PPARA: variants seen among roughly 807,000 people sequenced by gnomAD.
The protein encoded by PPARA is peroxisome proliferator-activated receptor alpha.
Under a neutral mutation model 42.2 loss-of-function variants are expected in PPARA, and 22 were observed. That is an observed-to-expected ratio of 0.52 (90% CI 0.37 to 0.74). The LOEUF is 0.74. Among genes scored for constraint, PPARA ranks in the 30% least tolerant of loss-of-function variants. The probability of loss-of-function intolerance (pLI) is 0.00; values close to 1 mark genes in which losing one functional copy is unlikely to be tolerated. For synonymous variants in PPARA, 242 were observed against 239.3 expected, an observed-to-expected ratio of 1.01 and a Z score of -0.10; for missense variants, 465 against 608.2, an observed-to-expected ratio of 0.76 and a Z score of 2.48.
Position 46,235,314 on chromosome 22 carries a change from CAAG to C in PPARA, c.1346_1348del (p.Lys449del), listed in dbSNP as rs1222694811. 2 of 1,614,114 alleles carry C rather than the reference CAAG, an allele frequency of 1.2e-6. No individual in the cohort carries two copies. Among genetic ancestry groups the C allele is most frequent in the Non-Finnish European group, 1.7e-6 (2 of 1,180,022 alleles). On this transcript the variant is annotated inframe_deletion, in exon 9 of 9. Coordinates refer to ENST00000407236, the MANE Select transcript of PPARA (RefSeq NM_005036.6). This position sits in a 1 kb window ranked among gnomAD's most constrained non-coding sequence, Gnocchi z 7.0. The stretch of plus-strand genomic sequence containing the variant: ...AGCATGCGCAGCTGGTGCAGATCAT[CAAG>C]AAGACGGAGTCGGATGCTGCGCTGC...
In PPARA at chr22:46,165,043, T is replaced by C. The variant is rs1245754935; in HGVS notation, c.-126-11710T>C. On this transcript the variant is annotated intron_variant, in intron 2 of 8. Transcript: ENST00000407236. This position sits in a 1 kb window ranked among gnomAD's most constrained non-coding sequence, Gnocchi z 5.5. ...ATTTTTATTTATTTTCATTTGTTTA[T>C]TTATTTATTTGAGACAGAGTTTCGC... 7.0e-6 allele frequency: 1 copy of C among 143,668 alleles called. No individual in the cohort carries two copies. Among genetic ancestry groups the C allele is most frequent in the East Asian group, 1.9e-4 (1 of 5,194 alleles). The allele number at this position is 143,668 out of a possible 1,614,324, so 8.9% of individuals were successfully genotyped here.
chr22:46,184,032 C>G lies in PPARA; in HGVS notation c.-43+7196C>G, dbSNP rs1930330759. ...TGCCTGCCTCATGGGGTTGCTGTTA[C>G]CAGGAAGTGAGTTAATGCACATTAG... On this transcript the variant is annotated intron_variant, in intron 3 of 8. Transcript: ENST00000407236. This position sits in a 1 kb window ranked among gnomAD's most constrained non-coding sequence, Gnocchi z 4.4. Among the ~76,000 whole-genome samples, 1 of 152,018 alleles carries G rather than the reference C, an allele frequency of 6.6e-6. No homozygotes were observed. Among genetic ancestry groups the G allele is most frequent in the Admixed American group, 6.6e-5 (1 of 15,256 alleles).
In PPARA at chr22:46,203,255, T is replaced by C. The variant is rs140644476; in HGVS notation, c.208+4664T>C. Among the ~76,000 whole-genome samples, 1 of 152,364 alleles carries C rather than the reference T, an allele frequency of 6.6e-6. No individual in the cohort carries two copies. The highest frequency in any genetic ancestry group is 1.9e-4 in the East Asian group (1 of 5,188). On this transcript the variant is annotated intron_variant, in intron 4 of 8. Transcript: ENST00000407236. This position sits in a 1 kb window ranked among gnomAD's most constrained non-coding sequence, Gnocchi z 5.8. ...AGATCGTTCATATTTGTACCTAATC[T>C]GATCTTTTGGGTAATATTCCTAGTT...
rs1434460898 is a variant in PPARA at position 46,193,027 on chromosome 22, T to C, written c.-42-5315T>C. Among the ~76,000 whole-genome samples the C allele has an allele frequency of 6.6e-6, 1 of 152,076 alleles. No homozygotes were observed. Among genetic ancestry groups the C allele is most frequent in the Non-Finnish European group, 1.5e-5 (1 of 68,010 alleles). ...AAGATGGTTAACAGGTACAAAAAAC[T>C]AGAAAGAATGAATAAGACCCACTAG... On this transcript the variant is annotated intron_variant, in intron 3 of 8. Transcript: ENST00000407236. The surrounding 1 kb of genome is among the most constrained non-coding windows in gnomAD (Gnocchi z 5.3).
intron 3 of PPARA, among the ~76,000 whole-genome samples, chr22:46,181,484 T>A (rs535347763): frequency 6.6e-6 from 1 of 152,036 alleles, no homozygotes; most frequent in Non-Finnish European, 1.5e-5. Flanking sequence ...TGAGTGTGCA[T>A]CACAAAGGGC....
In PPARA at chr22:46,240,156, CAGG is replaced by C; in HGVS notation, c.*4779_*4781del. 2.5e-6 allele frequency: 1 copy of C among 398,670 alleles called. No homozygotes were observed. Among genetic ancestry groups the C allele is most frequent in the Non-Finnish European group, 4.4e-6 (1 of 226,146 alleles). 24.7% of individuals were successfully genotyped at this position (398,670 alleles called of 1,614,324 possible). On this transcript the variant is annotated 3_prime_UTR_variant, in exon 9 of 9. Coordinates refer to ENST00000407236, the MANE Select transcript of PPARA (RefSeq NM_005036.6). The surrounding 1 kb of genome is among the most constrained non-coding windows in gnomAD (Gnocchi z 6.0). ...TGGCCTTTCAAAATGCAGATGCCAC[CAGG>C]AGAACATGCCCACAGCTCACCACCT...
In PPARA at chr22:46,204,044, G is replaced by A. The variant is rs1933004730; in HGVS notation, c.208+5453G>A. The stretch of plus-strand genomic sequence containing the variant: ...CTGCCTCCCTCCCCCAGTAAACCAT[G>A]AATCCACTTTCTATCATTCTAGGTT... On this transcript the variant is annotated intron_variant, in intron 4 of 8. Transcript: ENST00000407236. The surrounding 1 kb of genome is among the most constrained non-coding windows in gnomAD (Gnocchi z 5.2). Among the ~76,000 whole-genome samples, 2 of 152,156 alleles carry A rather than the reference G, an allele frequency of 1.3e-5. No individual in the cohort carries two copies. The highest frequency in any genetic ancestry group is 2.9e-5 in the Non-Finnish European group (2 of 68,032).
At chr22:46,169,742 T>C (rs527596632) in intron 2 of PPARA, among the ~76,000 whole-genome samples, 1 of 152,230 alleles carries the variant, frequency 6.6e-6, no homozygotes, top group South Asian at 2.1e-4. Context: ...AAACTGATTA[T>C]GTTATTAAGA....
Position 46,237,726 on chromosome 22 carries a change from A to G in PPARA, c.*2346A>G, listed in dbSNP as rs1206064434. ...CAAAAGCAAATAAAAGTGTTTCCAT[A>G]TATGCCACCAGCCAAGTGGCCATCC... On this transcript the variant is annotated 3_prime_UTR_variant, in exon 9 of 9. Coordinates refer to ENST00000407236, the MANE Select transcript of PPARA (RefSeq NM_005036.6). The surrounding 1 kb of genome is among the most constrained non-coding windows in gnomAD (Gnocchi z 6.7). The G allele has an allele frequency of 6.6e-6, 1 of 152,242 alleles. No homozygotes were observed. Among genetic ancestry groups the G allele is most frequent in the Non-Finnish European group, 1.5e-5 (1 of 68,070 alleles). The allele number at this position is 152,242 out of a possible 1,614,324, so 9.4% of individuals were successfully genotyped here. A position where few individuals can be genotyped will look rare whatever the true frequency, so the allele number is the denominator to read the frequency against.
intron 7 of PPARA, among the ~76,000 whole-genome samples, chr22:46,229,718 C>T (rs756428315): frequency 2.0e-5 from 3 of 151,908 alleles, no homozygotes; most frequent in Non-Finnish European, 2.9e-5. Flanking sequence ...CTTTATTAAT[C>T]GGACTTGAGA....
chr22:46,199,759 G>A (rs1407885280), intron 4 of PPARA, among the ~76,000 whole-genome samples: 3 of 152,058 alleles, frequency 2.0e-5, no homozygotes, highest in South Asian at 2.1e-4. Context: ...TTTTGCTCTT[G>A]TTGCCCAGGC....
intron 4 of PPARA, among the ~76,000 whole-genome samples, chr22:46,207,881 C>T (rs562428970): frequency 2.4e-3 from 369 of 150,944 alleles, no homozygotes; most frequent in Non-Finnish European, 3.9e-3. Context: ...GGTGGAGACT[C>T]GCTATGTTGA....
chr22:46,198,700 G>C, intron 4 of PPARA, 109 bp downstream of exon 4: 1 of 1,151,720 alleles, frequency 8.7e-7, no homozygotes, highest in East Asian at 2.8e-5. Context: ...TCGCTCTGTC[G>C]CCCAGGCTGG....
chr22:46,207,864 T>C (rs1471237373), intron 4 of PPARA, among the ~76,000 whole-genome samples: 1 of 151,112 alleles, frequency 6.6e-6, no homozygotes, highest in Admixed American at 6.6e-5. Context: ...TAAAAATTTT[T>C]TGTAGAGGTG....
At chr22:46,164,675 GC>G (rs1569187491) in intron 2 of PPARA, 1 of 152,182 alleles carries the variant, frequency 6.6e-6, no homozygotes, top group Admixed American at 6.5e-5. Flanking sequence ...CTAGAAGGTG[GC>G]CCAGCATAGG....
In PPARA at chr22:46,211,717, G is replaced by A. The variant is rs568643709; in HGVS notation, c.209-3456G>A. Among the ~76,000 whole-genome samples the A allele has an allele frequency of 2.0e-3, 304 of 151,804 alleles. 1 individual carries two copies. Among genetic ancestry groups the A allele is most frequent in the African/African-American group, 6.7e-3 (277 of 41,374 alleles). ...TCTTGCTTTCTCGCCTTCTTGTCTT[G>A]CTCTGTCACCCAGGCTGGAGTGCAG... On this transcript the variant is annotated intron_variant, in intron 4 of 8. Coordinates refer to ENST00000407236, the MANE Select transcript of PPARA (RefSeq NM_005036.6). The surrounding 1 kb of genome is among the most constrained non-coding windows in gnomAD (Gnocchi z 4.1).
In PPARA at chr22:46,231,707, G is replaced by C; in HGVS notation, c.712-85G>C. ...AGGCACTGAGCTTGGTGATTTGGAC[G>C]CAGGAGCTGCTCATTAGTGAGCTGA... On this transcript the variant is annotated intron_variant, in intron 7 of 8. Transcript: ENST00000407236. This position sits in a 1 kb window ranked among gnomAD's most constrained non-coding sequence, Gnocchi z 7.7. 7.2e-7 allele frequency: 1 copy of C among 1,383,196 alleles called. No homozygotes were observed. Among genetic ancestry groups the C allele is most frequent in the Non-Finnish European group, 1.0e-6 (1 of 991,304 alleles). The allele number at this position is 1,383,196 out of a possible 1,614,324, so 85.7% of individuals were successfully genotyped here.
Position 46,160,399 on chromosome 22 carries a change from C to T in PPARA, c.-127+8429C>T, listed in dbSNP as rs975169202. Among the ~76,000 whole-genome samples the T allele has an allele frequency of 6.6e-6, 1 of 152,026 alleles. No homozygotes were observed. Among genetic ancestry groups the T allele is most frequent in the African/African-American group, 2.4e-5 (1 of 41,398 alleles). ...GCAATCTCTGCCTCCTGGGTTCAAGCGATTCTCCTGCCTCAGCCTCCTACA... is the reference window on the plus strand; with the variant it reads ...GCAATCTCTGCCTCCTGGGTTCAAGTGATTCTCCTGCCTCAGCCTCCTACA... On this transcript the variant is annotated intron_variant, in intron 2 of 8. Transcript: ENST00000407236. The surrounding 1 kb of genome is among the most constrained non-coding windows in gnomAD (Gnocchi z 4.5).
In PPARA at chr22:46,183,736, G is replaced by A. The variant is rs534832819; in HGVS notation, c.-43+6900G>A. ...AGCCTGGGTGAAAGAAGGAAACTCTGTGTCCAAAACAAAACAAAACAAAAC... is the reference window on the plus strand; with the variant it reads ...AGCCTGGGTGAAAGAAGGAAACTCTATGTCCAAAACAAAACAAAACAAAAC... On this transcript the variant is annotated intron_variant, in intron 3 of 8. Transcript: ENST00000407236. The surrounding 1 kb of genome is among the most constrained non-coding windows in gnomAD (Gnocchi z 5.5). 6.6e-5 allele frequency among the ~76,000 whole-genome samples: 10 copies of A among 152,234 alleles called. No homozygotes were observed. The East Asian group carries it at 1.9e-3, about 29-fold the overall frequency.
Sources: gnomAD v4.1 joint callset for allele counts (sites outside exome capture counted in the v4.1 genomes callset) on GRCh38, gnomAD v4.1.1 for gene constraint, Gnocchi (gnomAD v3.1) non-coding constraint, MANE v1.5 for transcripts, NCBI Gene and HGNC (gene_info 2026-07-23, HGNC 2026-07-21) for gene names.